Variants in PRMT7 observed in about 807,000 individuals in gnomAD.
The protein encoded by PRMT7 is protein arginine methyltransferase 7, also known as protein arginine N-methyltransferase 7.
Under a neutral mutation model 85.4 loss-of-function variants are expected in PRMT7, and 75 were observed. That is an observed-to-expected ratio of 0.88 (90% CI 0.73 to 1.06). PRMT7 has a LOEUF of 1.06. PRMT7 is among the 50% of genes least tolerant of loss of function. PRMT7 has a pLI of 0.00. For missense variants in PRMT7, 868 were observed against 915.2 expected (o/e 0.95, Z 0.67); for synonymous variants, 397 against 359.5 (o/e 1.10, Z -1.18).
intron 18 of PRMT7, 116 bp from the exon 19 acceptor site, chr16:68,356,938 C>A: frequency 7.3e-7 from 1 of 1,374,084 alleles, no homozygotes; most frequent in Non-Finnish European, 9.9e-7. Flanking sequence ...TGGTCCTGGG[C>A]CATCTGGCCC....
chr16:68,353,044 G>A (rs2087647901), intron 15 of PRMT7, among the ~76,000 whole-genome samples: 1 of 152,108 alleles, frequency 6.6e-6, no homozygotes, highest in Non-Finnish European at 1.5e-5. Flanking sequence ...GGGATGTCAC[G>A]ATCCATGCGT....
In PRMT7 at chr16:68,324,746, G is replaced by A; in HGVS notation, c.196G>A (p.Ala66Thr). The A allele has an allele frequency of 6.2e-7, 1 of 1,613,930 alleles. No homozygotes were observed. Among genetic ancestry groups the A allele is most frequent in the Non-Finnish European group, 8.5e-7 (1 of 1,179,950 alleles). The change falls in exon 5 of 19, where the codon GCC (alanine) becomes ACC (threonine). Residue 66 changes from alanine (A) to threonine (T), a missense_variant. Ala to Thr is a moderately conservative substitution (Grantham distance 58). Transcript: ENST00000441236. Reference protein sequence around the residue: ...VSRVKDRGQKALVLDIGTGTG... With the variant: ...VSRVKDRGQKTLVLDIGTGTG... ...CAGGGTGAAGGACAGAGGACAGAAGGCCTTGGTTCTCGACATTGGCACTGG... is the reference window on the plus strand; with the variant it reads ...CAGGGTGAAGGACAGAGGACAGAAGACCTTGGTTCTCGACATTGGCACTGG...
intron 4 of PRMT7, 133 bp from the exon 5 acceptor site, chr16:68,324,550 T>C (rs2082877733): frequency 9.1e-7 from 1 of 1,101,054 alleles, no homozygotes; most frequent in African/African-American, 1.6e-5. Context: ...CCAGAGCTGT[T>C]CTGCCAGGGG....
chr16:68,346,034 C>T (rs2086305731), intron 10 of PRMT7, 111 bp from the exon 11 acceptor site: 6 of 1,495,650 alleles, frequency 4.0e-6, no homozygotes, highest in East Asian at 2.3e-5. Flanking sequence ...CTGGAATTAG[C>T]GGGTGCTCTA....
At chr16:68,344,940 A>ACACACACACACACACACACACACG (rs2086117613) in intron 9 of PRMT7, among the ~76,000 whole-genome samples, 1 of 139,138 alleles carries the variant, frequency 7.2e-6, no homozygotes, top group South Asian at 2.3e-4. Context: ...CTCTACACAC[A>ACACACACACACACACACACACACG]CACACACACA....
chr16:68,352,325 G>A lies in PRMT7; in HGVS notation c.1491G>A (p.Arg497=). ...PWHNLYFWYV[R]TAVDQHLGPG... ...ACAACCTCTACTTCTGGTACGTGCG[G>A]ACCGCTGTGGACCAGCACCTGGGGC... The change falls in exon 15 of 19, where the codon CGG becomes CGA. Residue 497 remains arginine (R), a synonymous_variant. Transcript: ENST00000441236. 2 of 1,612,892 alleles carry A rather than the reference G, an allele frequency of 1.2e-6. No homozygotes were observed. Among genetic ancestry groups the A allele is most frequent in the Admixed American group, 3.3e-5 (2 of 60,032 alleles).
At position 68,324,762 on chromosome 16, in the gene PRMT7, T is replaced by TTGGCAC. The variant is rs1169069876; in HGVS notation, c.219_224dup (p.Thr75_Gly76dup). 4 of 1,613,804 alleles carry TTGGCAC rather than the reference T, an allele frequency of 2.5e-6. No homozygotes were observed. The highest frequency in any genetic ancestry group is 3.4e-6 in the Non-Finnish European group (4 of 1,179,960). On this transcript the variant is annotated inframe_insertion, in exon 5 of 19. Transcript: ENST00000441236. ...GGACAGAAGGCCTTGGTTCTCGACA[T>TTGGCAC]TGGCACTGGCACGGGACTCTTGTCA...
chr16:68,318,411 G>C (rs1268876131), intron 3 of PRMT7, among the ~76,000 whole-genome samples: 2 of 152,188 alleles, frequency 1.3e-5, no homozygotes, highest in African/African-American at 4.8e-5. Flanking sequence ...GTGTTAGCCA[G>C]GATGATCTTG....
intron 3 of PRMT7, among the ~76,000 whole-genome samples, chr16:68,319,703 A>T (rs2082261001): frequency 3.5e-5 from 2 of 57,780 alleles, no homozygotes; most frequent in African/African-American, 1.8e-4. Context: ...CTTCTCAATA[A>T]GAGTGAGAGT....
At chr16:68,339,299 T>A (rs769309683) in intron 7 of PRMT7, 23 bp from the exon 8 acceptor site, 5 of 1,610,966 alleles carry the variant, frequency 3.1e-6, no homozygotes, top group Non-Finnish European at 4.2e-6. Context: ...TTTTGTTTGG[T>A]TTTGTTTTTA....
chr16:68,345,130 T>C (rs1215120262), intron 9 of PRMT7, among the ~76,000 whole-genome samples: 1 of 152,212 alleles, frequency 6.6e-6, no homozygotes, highest in Non-Finnish European at 1.5e-5. Flanking sequence ...TAGTATCGTC[T>C]AACATATGGT....
chr16:68,311,465 G>A, intron 1 of PRMT7: 1 of 191,490 alleles, frequency 5.2e-6, no homozygotes, highest in Non-Finnish European at 1.1e-5. Flanking sequence ...TTGGAGAGTC[G>A]TGTATTCACT....
At chr16:68,335,967 G>A (rs1386347453) in intron 6 of PRMT7, among the ~76,000 whole-genome samples, 1 of 152,072 alleles carries the variant, frequency 6.6e-6, no homozygotes, top group African/African-American at 2.4e-5. Flanking sequence ...AGTAGAGACA[G>A]GGTTTCACCA....
chr16:68,318,724 T>C (rs2151392715), intron 3 of PRMT7: 1 of 151,822 alleles, frequency 6.6e-6, no homozygotes, highest in African/African-American at 2.4e-5. Context: ...AGTAGAGACT[T>C]GGTTTCACCT....
At chr16:68,327,416 G>C (rs1397900236) in intron 5 of PRMT7, among the ~76,000 whole-genome samples, 2 of 152,088 alleles carry the variant, frequency 1.3e-5, no homozygotes, top group African/African-American at 4.8e-5. Context: ...AGAGTTCAGG[G>C]AAGACTTCTG....
intron 14 of PRMT7, 69 bp from the exon 15 acceptor site, chr16:68,352,179 G>C (rs2087488072): frequency 1.3e-6 from 2 of 1,509,518 alleles, no homozygotes; most frequent in Non-Finnish European, 1.8e-6. Flanking sequence ...TGTTGCTTCC[G>C]TGTTCCTGTT....
At chr16:68,336,753 C>G (rs2084749403) in intron 6 of PRMT7, among the ~76,000 whole-genome samples, 2 of 152,068 alleles carry the variant, frequency 1.3e-5, no homozygotes, top group Admixed American at 6.5e-5. Context: ...TTGTTTGAGA[C>G]AGAGTCTCAC....
At chr16:68,349,652 G>A (rs765066058) in intron 14 of PRMT7, among the ~76,000 whole-genome samples, 16 of 152,152 alleles carry the variant, frequency 1.1e-4, no homozygotes, top group South Asian at 2.1e-4. Flanking sequence ...CCAGAACTTC[G>A]GAAGGCCAAG....
At chr16:68,340,270 G>C (rs1597364224) in intron 9 of PRMT7, among the ~76,000 whole-genome samples, 1 of 152,054 alleles carries the variant, frequency 6.6e-6, no homozygotes, top group Admixed American at 6.6e-5. Context: ...GTAATCCCAG[G>C]GGGCTCCCAT....
Sources: allele counts gnomAD v4.1 joint callset (sites outside exome capture counted in the v4.1 genomes callset), GRCh38; gene constraint gnomAD v4.1.1; transcripts MANE v1.5; gene names NCBI Gene and HGNC (gene_info 2026-07-23, HGNC 2026-07-21).